Variants in WNK2 observed in about 807,000 individuals in gnomAD.
WNK2 encodes the protein WNK lysine deficient protein kinase 2, also known as serine/threonine-protein kinase WNK2.
A neutral mutation model predicts 192.1 loss-of-function variants in WNK2; 67 were observed. That is an observed-to-expected ratio of 0.35 (90% CI 0.29 to 0.43). The LOEUF is 0.43. Ranked by LOEUF, WNK2 falls within the 20% of genes least tolerant of loss-of-function variation. The probability of loss-of-function intolerance (pLI) is 1.00; values close to 1 mark genes in which losing one functional copy is unlikely to be tolerated. For synonymous variants in WNK2, 1,439 were observed against 1,393.9 expected (o/e 1.03, Z -0.72); for missense variants, 2,698 against 3,089.7 (o/e 0.87, Z 3.01).
Position 93,212,366 on chromosome 9 carries a change from G to GC in WNK2, c.682-17324dup, listed in dbSNP as rs553077489. Among the ~76,000 whole-genome samples the GC allele has an allele frequency of 5.9e-5, 9 of 152,320 alleles. No homozygotes were observed. In the East Asian group the frequency reaches 1.7e-3, roughly 29 times the overall value. ...CTGCCTGATGGAGTCACAGTGTGTG[G>GC]CCCCCCAGCAGGACAGCATCCCAGA... On this transcript the variant is annotated intron_variant, in intron 2 of 29. Coordinates refer to ENST00000427277, the MANE Select transcript of WNK2 (RefSeq NM_006648.4).
intron 21 of WNK2, 37 bp from the exon 22 acceptor site, chr9:93,292,271 T>C: frequency 6.2e-7 from 1 of 1,610,384 alleles, no homozygotes; most frequent in Non-Finnish European, 8.5e-7. Flanking sequence ...CTCTTCCTCC[T>C]CCTTCAGCCC....
At chr9:93,208,260 A>G (rs1264754567) in intron 2 of WNK2, among the ~76,000 whole-genome samples, 2 of 152,190 alleles carry the variant, frequency 1.3e-5, no homozygotes, top group East Asian at 1.9e-4. Context: ...TTTTGTGTTC[A>G]TGTTATCTGC....
At chr9:93,303,396 G>A (rs1340590992) in intron 26 of WNK2, among the ~76,000 whole-genome samples, 10 of 152,292 alleles carry the variant, frequency 6.6e-5, no homozygotes, top group Non-Finnish European at 1.3e-4. Flanking sequence ...CTCTCTGCAC[G>A]CTGGTATCTC....
chr9:93,312,926 C>T (rs1360960223), intron 28 of WNK2, among the ~76,000 whole-genome samples: 3 of 152,216 alleles, frequency 2.0e-5, no homozygotes, highest in African/African-American at 4.8e-5. Context: ...AGGATCATTT[C>T]CATTGTAAGT....
Position 93,234,982 on chromosome 9 carries a change from C to G in WNK2, c.1233+17C>G. 6.2e-7 allele frequency: 1 copy of G among 1,613,704 alleles called. No homozygotes were observed. Among genetic ancestry groups the G allele is most frequent in the Non-Finnish European group, 8.5e-7 (1 of 1,179,744 alleles). ...GTCACCTGTGTGAGTCCACCTGGCC[C>G]CTTGGTTAATTAATAAGGACACAGA... is the stretch of plus-strand genomic sequence containing the variant. On this transcript the variant is annotated intron_variant, in intron 5 of 29. Transcript: ENST00000427277.
chr9:93,184,868 G>A lies in WNK2; in HGVS notation c.-2-60G>A, dbSNP rs914711853. On this transcript the variant is annotated intron_variant, in intron 1 of 29. Coordinates refer to ENST00000427277, the MANE Select transcript of WNK2 (RefSeq NM_006648.4). Reference sequence around the variant, plus strand: ...TTAGGGCGGCGTTGTCTCATCCGGCGGCCTGGGCAGGTGCGGCAGGGCCGG... The same window carrying A: ...TTAGGGCGGCGTTGTCTCATCCGGCAGCCTGGGCAGGTGCGGCAGGGCCGG... The A allele has an allele frequency of 4.2e-6, 5 of 1,204,300 alleles. No individual in the cohort carries two copies. In the African/African-American group the frequency reaches 7.9e-5, roughly 19 times the overall value. The allele number at this position is 1,204,300 out of a possible 1,614,324, so 74.6% of individuals were successfully genotyped here. A position where few individuals can be genotyped will look rare whatever the true frequency, so the allele number is the denominator to read the frequency against.
At chr9:93,290,756 GC>G (rs1849222078) in intron 21 of WNK2, among the ~76,000 whole-genome samples, 1 of 152,262 alleles carries the variant, frequency 6.6e-6, no homozygotes, top group African/African-American at 2.4e-5. Context: ...AGGTACCAGG[GC>G]AATCCCTGAA....
chr9:93,241,162 G>A (rs1588125082), intron 7 of WNK2, among the ~76,000 whole-genome samples: 3 of 152,368 alleles, frequency 2.0e-5, no homozygotes, highest in East Asian at 3.9e-4. Flanking sequence ...GAGACAGACA[G>A]AGACGTCTTT....
chr9:93,241,141 T>C (rs1482172356), intron 7 of WNK2, among the ~76,000 whole-genome samples: 5 of 152,246 alleles, frequency 3.3e-5, no homozygotes, highest in Admixed American at 1.3e-4. Flanking sequence ...AGAACCCTAG[T>C]GCAGGGCCTA....
In WNK2 at chr9:93,268,004, C is replaced by T; in HGVS notation, c.3868-16C>T. The T allele has an allele frequency of 6.2e-7, 1 of 1,610,642 alleles. No homozygotes were observed. Among genetic ancestry groups the T allele is most frequent in the Non-Finnish European group, 8.5e-7 (1 of 1,178,638 alleles). The stretch of plus-strand genomic sequence containing the variant: ...GCAGCTCAGTGGGCTCATTTCTGAC[C>T]CTCCACCTCATTCAGGAGAGCCGAC... On this transcript the variant is annotated splice_polypyrimidine_tract_variant and intron_variant, in intron 17 of 29. Coordinates refer to ENST00000427277, the MANE Select transcript of WNK2 (RefSeq NM_006648.4).
At chr9:93,289,808 T>G (rs1209941651) in intron 20 of WNK2, among the ~76,000 whole-genome samples, 170 bp from the exon 21 acceptor site, 1 of 152,222 alleles carries the variant, frequency 6.6e-6, no homozygotes, top group African/African-American at 2.4e-5. Flanking sequence ...GACCCCTGTT[T>G]GGGGTCATGC....
chr9:93,272,725 C>CG (rs1371276816), intron 19 of WNK2, among the ~76,000 whole-genome samples: 2 of 66,818 alleles, frequency 3.0e-5, no homozygotes, highest in African/African-American at 2.1e-4. Context: ...GCAACAAGAG[C>CG]GAAACTCCGT....
intron 5 of WNK2, among the ~76,000 whole-genome samples, chr9:93,235,739 C>T (rs1209873094): frequency 6.6e-6 from 1 of 152,232 alleles, no homozygotes; most frequent in African/African-American, 2.4e-5. Context: ...GCCCTGATCC[C>T]TGCAGTCCCT....
intron 2 of WNK2, among the ~76,000 whole-genome samples, chr9:93,224,232 G>A (rs1188450436): frequency 6.6e-6 from 1 of 152,238 alleles, no homozygotes; most frequent in Non-Finnish European, 1.5e-5. Flanking sequence ...CCTTCAAGGG[G>A]TTGGATTTTG....
intron 2 of WNK2, among the ~76,000 whole-genome samples, chr9:93,210,538 A>G (rs1834314194): frequency 6.6e-6 from 1 of 152,102 alleles, no homozygotes; most frequent in Admixed American, 6.5e-5. Flanking sequence ...GGGGCACTCA[A>G]GCCTGCCGCA....
chr9:93,320,567 A>G lies in WNK2; in HGVS notation c.*175A>G. 1.4e-6 allele frequency: 1 copy of G among 737,900 alleles called. No individual in the cohort carries two copies. Among genetic ancestry groups the G allele is most frequent in the Non-Finnish European group, 1.9e-6 (1 of 514,634 alleles). 45.7% of individuals were successfully genotyped at this position (737,900 alleles called of 1,614,324 possible). On this transcript the variant is annotated 3_prime_UTR_variant, in exon 30 of 30. Coordinates refer to ENST00000427277, the MANE Select transcript of WNK2 (RefSeq NM_006648.4). ...AAGAATAAAAAATATTTTGGGGCAG[A>G]AAGGACTTTGGTTTTTCAAACTATT...
At position 93,292,628 on chromosome 9, in the gene WNK2, C is replaced by T. The variant is rs530506166; in HGVS notation, c.5163C>T (p.Leu1721=). The T allele has an allele frequency of 7.6e-6, 12 of 1,582,096 alleles. No individual in the cohort carries two copies. The highest frequency in any genetic ancestry group is 7.3e-5 in the Admixed American group (4 of 55,122). The change falls in exon 23 of 30, where the codon CTC becomes CTT. Residue 1721 remains leucine (L), a synonymous_variant. Coordinates refer to ENST00000427277, the MANE Select transcript of WNK2 (RefSeq NM_006648.4). ...GCCAGGCTAGCCACCCCCAGACACTCGGCGCTCGAGCTTTGGGGTCCCCTC... is the reference window on the plus strand; with the variant it reads ...GCCAGGCTAGCCACCCCCAGACACTTGGCGCTCGAGCTTTGGGGTCCCCTC... ...VGGQASHPQT[L]GARALGSPRK... is the part of the protein sequence containing the mutation.
rs746469152 is a variant in WNK2 at position 93,299,211 on chromosome 9, C to T, written c.6065C>T (p.Ser2022Leu). 56 of 1,594,970 alleles carry T rather than the reference C, an allele frequency of 3.5e-5. No homozygotes were observed. The highest frequency in any genetic ancestry group is 3.0e-4 in the South Asian group (27 of 90,212). ...TGCTCCGTCCGGGCCTCCCTGTCTT[C>T]GGACATCTGCTCCGGCTTAGCCAGT... ...QPCSVRASLS[S>L]DICSGLASDG... Residue 2022 changes from serine to leucine, a missense_variant, in exon 25 of 30, where the codon TCG becomes TTG. Coordinates refer to ENST00000427277, the MANE Select transcript of WNK2 (RefSeq NM_006648.4).
chr9:93,245,618 C>T (rs748628426), intron 7 of WNK2, among the ~76,000 whole-genome samples: 35 of 152,238 alleles, frequency 2.3e-4, no homozygotes, highest in South Asian at 2.1e-4. Context: ...TGCAACTGTA[C>T]GTGTCTCATG....
Sources: allele counts gnomAD v4.1 joint callset (sites outside exome capture counted in the v4.1 genomes callset), GRCh38; gene constraint gnomAD v4.1.1; transcripts MANE v1.5; gene names NCBI Gene and HGNC (gene_info 2026-07-23, HGNC 2026-07-21).